Variants in GRID2 observed in about 807,000 individuals in gnomAD.
GRID2 encodes the protein glutamate ionotropic receptor delta type subunit 2.
GRID2 carries 33 observed loss-of-function variants against 114.8 expected under a neutral mutation model. The ratio of observed to expected loss-of-function variants is 0.29; its 90% CI spans 0.22 to 0.38. GRID2 has a LOEUF of 0.38. GRID2 is among the 10% of genes least tolerant of loss of function. The pLI is 1.00. For missense variants in GRID2, 1,184 were observed against 1,257.7 expected (o/e 0.94, Z 0.89); for synonymous variants, 505 against 449.9 (o/e 1.12, Z -1.55).
chr4:93,564,105 A>G (rs1401481188), intron 13 of GRID2, among the ~76,000 whole-genome samples: 1 of 152,004 alleles, frequency 6.6e-6, no homozygotes, highest in Non-Finnish European at 1.5e-5. Flanking sequence ...CCTTTCAGAA[A>G]TTAATAAAAA....
chr4:92,941,681 T>C (rs1751145064), intron 2 of GRID2, among the ~76,000 whole-genome samples: 1 of 152,220 alleles, frequency 6.6e-6, no homozygotes, highest in Non-Finnish European at 1.5e-5. Context: ...TTTTAGATCT[T>C]TCCTGCTTTC....
chr4:92,571,132 G>T (rs1388394562), intron 1 of GRID2, among the ~76,000 whole-genome samples: 1 of 151,978 alleles, frequency 6.6e-6, no homozygotes, highest in Non-Finnish European at 1.5e-5. Flanking sequence ...TCAATACATG[G>T]TTTATTGAGA....
intron 2 of GRID2, chr4:92,838,816 C>A (rs144366272): frequency 7.2e-5 from 11 of 152,132 alleles, no homozygotes; most frequent in African/African-American, 2.2e-4. Context: ...GAGCAGGGAA[C>A]TTTAGCCCCA....
At position 93,248,063 on chromosome 4, in the gene GRID2, G is replaced by C. The variant is rs549995069; in HGVS notation, c.1245+9573G>C. 5.2e-5 allele frequency among the ~76,000 whole-genome samples: 7 copies of C among 134,214 alleles called. No individual in the cohort carries two copies. The South Asian group carries it at 1.7e-3, about 33-fold the overall frequency. The allele number at this position is 134,214 out of a possible 152,430, so 88.0% of individuals were successfully genotyped here. A position where few individuals can be genotyped will look rare whatever the true frequency, so the allele number is the denominator to read the frequency against. ...TCAACAGTGGGGCACACTGGAATCT[G>C]TGTCACTCCAATATCTAACAGATAC... On this transcript the variant is annotated intron_variant, in intron 8 of 15. Coordinates refer to ENST00000282020, the MANE Select transcript of GRID2 (RefSeq NM_001510.4).
At chr4:93,287,038 C>T (rs569984303) in intron 8 of GRID2, among the ~76,000 whole-genome samples, 42 of 152,002 alleles carry the variant, frequency 2.8e-4, no homozygotes, top group Admixed American at 9.2e-4. Context: ...TGATACCCAG[C>T]GTTATCCTTC....
At chr4:92,497,392 A>C (rs180736108) in intron 1 of GRID2, among the ~76,000 whole-genome samples, 8 of 152,012 alleles carry the variant, frequency 5.3e-5, no homozygotes, top group Non-Finnish European at 5.9e-5. Context: ...ATCTGAAAGA[A>C]GGTCTGTGAA....
chr4:92,740,856 C>T (rs1027634994), intron 2 of GRID2, among the ~76,000 whole-genome samples: 1 of 152,104 alleles, frequency 6.6e-6, no homozygotes, highest in Non-Finnish European at 1.5e-5. Flanking sequence ...AAGCCATTCT[C>T]ATGCCTCAGC....
intron 2 of GRID2, among the ~76,000 whole-genome samples, chr4:92,900,483 T>C (rs1747486635): frequency 6.6e-6 from 1 of 152,212 alleles, no homozygotes; most frequent in African/African-American, 2.4e-5. Flanking sequence ...CTTCCTCTTA[T>C]AAGTGATTAC....
intron 1 of GRID2, among the ~76,000 whole-genome samples, chr4:92,505,496 T>A (rs948301036): frequency 6.6e-6 from 1 of 152,044 alleles, no homozygotes; most frequent in South Asian, 2.1e-4. Flanking sequence ...AGCATAGTGA[T>A]AAAATTTTGC....
chr4:93,397,301 G>A (rs981559462), intron 9 of GRID2, among the ~76,000 whole-genome samples: 1 of 151,702 alleles, frequency 6.6e-6, no homozygotes, highest in Admixed American at 6.6e-5. Context: ...ATGTGAATTC[G>A]CTTCTGTATG....
intron 8 of GRID2, among the ~76,000 whole-genome samples, chr4:93,243,115 T>G (rs1747736845): frequency 6.6e-6 from 1 of 152,062 alleles, no homozygotes; most frequent in South Asian, 2.1e-4. Flanking sequence ...AAATTTTTTT[T>G]GCATTGTTTT....
intron 4 of GRID2, among the ~76,000 whole-genome samples, chr4:93,151,309 T>G (rs1307816659): frequency 6.6e-6 from 1 of 151,880 alleles, no homozygotes; most frequent in Non-Finnish European, 1.5e-5. Flanking sequence ...CTTGAAAATC[T>G]CAAAATCCCA....
chr4:93,649,672 A>G (rs1437147048), intron 14 of GRID2, among the ~76,000 whole-genome samples: 1 of 152,174 alleles, frequency 6.6e-6, no homozygotes, highest in Non-Finnish European at 1.5e-5. Flanking sequence ...TTTCAAAGCC[A>G]TCTTTATCCA....
intron 2 of GRID2, among the ~76,000 whole-genome samples, chr4:92,929,409 T>C (rs113993409): frequency 0.015 from 2,255 of 151,452 alleles, 22 homozygotes; most frequent in East Asian, 0.054. Flanking sequence ...CTTTAAAAGA[T>C]ACATTAAAAA....
intron 1 of GRID2, among the ~76,000 whole-genome samples, chr4:92,350,726 A>G (rs991498714): frequency 1.3e-5 from 2 of 151,826 alleles, no homozygotes; most frequent in African/African-American, 4.8e-5. Flanking sequence ...GTATACTGCA[A>G]TGGTTTTTAG....
chr4:92,686,117 T>C lies in GRID2; in HGVS notation c.244+95831T>C, dbSNP rs148574417. On this transcript the variant is annotated intron_variant, in intron 2 of 15. Transcript: ENST00000282020. ...ATCTTGATGAAGTCCCTTCATTCAT[T>C]GCTTAAAGATTAACAGTAAGATTAA... 2.1e-4 allele frequency among the ~76,000 whole-genome samples: 32 copies of C among 152,182 alleles called. 1 individual carries two copies. In the East Asian group the frequency reaches 6.0e-3, roughly 28 times the overall value.
intron 10 of GRID2, among the ~76,000 whole-genome samples, chr4:93,425,568 C>T (rs942172115): frequency 3.9e-5 from 6 of 152,158 alleles, no homozygotes; most frequent in Non-Finnish European, 8.8e-5. Context: ...AGCCTTCTAG[C>T]CATTACTCTT....
intron 8 of GRID2, among the ~76,000 whole-genome samples, chr4:93,285,050 T>G (rs1037295156): frequency 5.3e-5 from 8 of 152,060 alleles, no homozygotes; most frequent in Non-Finnish European, 1.0e-4. Flanking sequence ...TCTCTCAATA[T>G]CTCATCTGAC....
rs369400382 is a variant in GRID2 at position 93,377,064 on chromosome 4, A to G, written c.1246-18543A>G. ...TTAAAGGACTTCTTAACTTTTAGAG[A>G]TATATACCAGAATAGAAATAATATT... On this transcript the variant is annotated intron_variant, in intron 8 of 15. Coordinates refer to ENST00000282020, the MANE Select transcript of GRID2 (RefSeq NM_001510.4). 6.6e-5 allele frequency among the ~76,000 whole-genome samples: 10 copies of G among 152,290 alleles called. No homozygotes were observed. In the East Asian group the frequency reaches 1.5e-3, roughly 24 times the overall value.
Sources: gnomAD v4.1 joint callset for allele counts (sites outside exome capture counted in the v4.1 genomes callset) on GRCh38, gnomAD v4.1.1 for gene constraint, MANE v1.5 for transcripts, NCBI Gene and HGNC (gene_info 2026-07-23, HGNC 2026-07-21) for gene names.